Variants in CFAP61 observed in about 807,000 individuals in gnomAD.
CFAP61 encodes cilia- and flagella-associated protein 61.
In CFAP61, 107 loss-of-function variants were observed where a neutral mutation model predicts 135.6. That is an observed-to-expected ratio of 0.79 (90% CI 0.67 to 0.93). The LOEUF (loss-of-function observed/expected upper bound fraction) is 0.93, where lower values mean the gene tolerates loss of function less well. Ranked by LOEUF, CFAP61 falls within the 40% of genes least tolerant of loss-of-function variation. The pLI, the probability that CFAP61 is intolerant of heterozygous loss-of-function variation, is 0.00. For missense variants in CFAP61, 1,507 were observed against 1,556.2 expected (o/e 0.97, Z 0.53); for synonymous variants, 575 against 578.5 (o/e 0.99, Z 0.09).
intron 8 of CFAP61, among the ~76,000 whole-genome samples, chr20:20,110,159 A>C (rs73605579): frequency 0.099 from 14,993 of 152,036 alleles, 1,553 homozygotes; most frequent in East Asian, 0.6. Flanking sequence ...CCACTTGCCT[A>C]GGCTTCCTTG....
At chr20:20,075,932 G>T (rs959988168) in intron 6 of CFAP61, among the ~76,000 whole-genome samples, 1 of 151,994 alleles carries the variant, frequency 6.6e-6, no homozygotes, top group African/African-American at 2.4e-5. Context: ...AAATGAACCT[G>T]CCTATTCAGT....
At chr20:20,083,530 A>C (rs1420129849) in intron 6 of CFAP61, among the ~76,000 whole-genome samples, 1 of 152,228 alleles carries the variant, frequency 6.6e-6, no homozygotes, top group Non-Finnish European at 1.5e-5. Context: ...AACATTCTTT[A>C]AGATTTAAGA....
At chr20:20,256,400 CCACACACACACACACA>C (rs35783358) in intron 20 of CFAP61, among the ~76,000 whole-genome samples, 3 of 148,674 alleles carry the variant, frequency 2.0e-5, no homozygotes, top group Non-Finnish European at 4.5e-5. Flanking sequence ...AAAATTTAGG[CCACACACACACACACA>C]CACACACACA....
At chr20:20,304,303 T>TGTGTGAGA (rs754913257) in intron 25 of CFAP61, among the ~76,000 whole-genome samples, 8 of 147,486 alleles carry the variant, frequency 5.4e-5, no homozygotes, top group Non-Finnish European at 7.4e-5. Flanking sequence ...TGTGTGTGTG[T>TGTGTGAGA]GAGAGAGAGA....
intron 26 of CFAP61, among the ~76,000 whole-genome samples, chr20:20,342,966 T>C (rs1487950695): frequency 2.0e-5 from 3 of 152,148 alleles, no homozygotes; most frequent in Admixed American, 2.0e-4. Flanking sequence ...GTTCAAGCGA[T>C]TCTCCTGCCT....
intron 10 of CFAP61, among the ~76,000 whole-genome samples, chr20:20,161,133 C>T (rs904920823): frequency 5.3e-5 from 8 of 152,150 alleles, no homozygotes; most frequent in Non-Finnish European, 8.8e-5. Context: ...ACTCACTGAC[C>T]AGTTGGTCAC....
intron 17 of CFAP61, among the ~76,000 whole-genome samples, chr20:20,225,076 T>C (rs2146941701): frequency 6.6e-6 from 1 of 152,292 alleles, no homozygotes; most frequent in East Asian, 1.9e-4. Context: ...TGAAAACTTG[T>C]AGTTTGAAGG....
In CFAP61 at chr20:20,071,970, A is replaced by G. The variant is rs896702066; in HGVS notation, c.294+966A>G. On this transcript the variant is annotated intron_variant, in intron 3 of 26. Transcript: ENST00000245957. The stretch of plus-strand genomic sequence containing the variant: ...GTTTTACAATTCTGTAGGAATGGTG[A>G]TTAGCCTGTAGATTTTTGTCCATTA... Among the ~76,000 whole-genome samples, 11 of 151,610 alleles carry G rather than the reference A, an allele frequency of 7.3e-5. No homozygotes were observed. In the East Asian group the frequency reaches 1.9e-3, roughly 27 times the overall value.
chr20:20,059,823 G>A (rs1385703600), intron 2 of CFAP61, among the ~76,000 whole-genome samples: 1 of 151,914 alleles, frequency 6.6e-6, no homozygotes, highest in Admixed American at 6.6e-5. Context: ...TCAACACAAA[G>A]AGAAAAAATA....
At chr20:20,228,471 A>C in intron 18 of CFAP61, 95 bp downstream of exon 18, 1 of 1,085,994 alleles carries the variant, frequency 9.2e-7, no homozygotes, top group Non-Finnish European at 1.4e-6. Flanking sequence ...CAGACCTGAG[A>C]TTGTTTGGTA....
At chr20:20,307,358 C>T (rs2056536857) in intron 25 of CFAP61, among the ~76,000 whole-genome samples, 3 of 152,144 alleles carry the variant, frequency 2.0e-5, no homozygotes, top group Non-Finnish European at 2.9e-5. Context: ...TAAATCTTCC[C>T]ACATCATGGG....
chr20:20,171,604 T>C (rs1419891275), intron 13 of CFAP61, among the ~76,000 whole-genome samples: 2 of 152,214 alleles, frequency 1.3e-5, no homozygotes, highest in African/African-American at 4.8e-5. Context: ...GTCTCAAAAA[T>C]ATCACATAAT....
intron 25 of CFAP61, among the ~76,000 whole-genome samples, chr20:20,311,927 G>A (rs1464457056): frequency 6.6e-6 from 1 of 152,178 alleles, no homozygotes; most frequent in Non-Finnish European, 1.5e-5. Flanking sequence ...GTACACAAAA[G>A]GGACTCATCT....
chr20:20,277,708 TGGCTTTGGC>T (rs1490712121), intron 22 of CFAP61, among the ~76,000 whole-genome samples: 2 of 152,372 alleles, frequency 1.3e-5, no homozygotes, highest in East Asian at 3.9e-4. Context: ...TTATCTCTTC[TGGCTTTGGC>T]CAGACTCAGC....
In CFAP61 at chr20:20,074,002, C is replaced by T. The variant is rs916260502; in HGVS notation, c.295-300C>T. On this transcript the variant is annotated intron_variant, in intron 3 of 26. Transcript: ENST00000245957. ...TACTGAGTTAATAATCGATTTCACT[C>T]CCCTGCAGGCTCTCCCGCAGCTCAT... 14 of 381,710 alleles carry T rather than the reference C, an allele frequency of 3.7e-5. No homozygotes were observed. The South Asian group carries it at 4.1e-4, about 11-fold the overall frequency. 23.6% of individuals were successfully genotyped at this position (381,710 alleles called of 1,614,324 possible).
At chr20:20,083,328 GT>G (rs2046562554) in intron 6 of CFAP61, among the ~76,000 whole-genome samples, 1 of 151,744 alleles carries the variant, frequency 6.6e-6, no homozygotes, top group Admixed American at 6.6e-5. Context: ...ATAGTGGACC[GT>G]GGGGGCTGGG....
intron 17 of CFAP61, among the ~76,000 whole-genome samples, chr20:20,213,408 A>G (rs1416779896): frequency 6.6e-6 from 1 of 152,130 alleles, no homozygotes; most frequent in Admixed American, 6.5e-5. Flanking sequence ...TCAAAACGGG[A>G]GGGGAAAAGC....
intron 8 of CFAP61, among the ~76,000 whole-genome samples, chr20:20,103,459 T>A (rs80114338): frequency 6.6e-6 from 1 of 152,074 alleles, no homozygotes; most frequent in South Asian, 2.1e-4. Context: ...AGAAGTGTAT[T>A]TTTTTTATTT....
At chr20:20,229,085 G>C (rs1187577308) in intron 18 of CFAP61, among the ~76,000 whole-genome samples, 1 of 152,188 alleles carries the variant, frequency 6.6e-6, no homozygotes, top group East Asian at 1.9e-4. Flanking sequence ...CATCTCTTCT[G>C]ATGCTGTTTT....
Sources: gnomAD v4.1 joint callset for allele counts (sites outside exome capture counted in the v4.1 genomes callset) on GRCh38, gnomAD v4.1.1 for gene constraint, MANE v1.5 for transcripts, NCBI Gene and HGNC (gene_info 2026-07-23, HGNC 2026-07-21) for gene names.